THAP12: variants seen among roughly 807,000 people sequenced by gnomAD.
THAP12 encodes THAP domain containing 12, also known as 52 kDa repressor of the inhibitor of the protein kinase.
Under a neutral mutation model 63.0 loss-of-function variants are expected in THAP12, and 20 were observed. The ratio of observed to expected loss-of-function variants is 0.32; its 90% CI spans 0.22 to 0.46. The LOEUF (loss-of-function observed/expected upper bound fraction) is 0.46, where lower values mean the gene tolerates loss of function less well. Among genes scored for constraint, THAP12 ranks in the 20% least tolerant of loss-of-function variants. The pLI is 1.00. For synonymous variants in THAP12, 264 were observed against 328.4 expected (o/e 0.80, Z 2.12); for missense variants, 568 against 908.2 (o/e 0.63, Z 4.81).
intron 1 of THAP12, among the ~76,000 whole-genome samples, chr11:76,377,399 C>T (rs1339036831): frequency 6.6e-6 from 1 of 152,192 alleles, no homozygotes; most frequent in Non-Finnish European, 1.5e-5. Flanking sequence ...TAATCAGTTG[C>T]TCCCCACTCT....
intron 3 of THAP12, chr11:76,356,800 T>C (rs1946564186): frequency 6.6e-6 from 1 of 152,120 alleles, no homozygotes. Context: ...CCCAGCACTT[T>C]GGGAAGCTGA....
Position 76,352,593 on chromosome 11 carries a change from T to C in THAP12, c.557A>G (p.His186Arg), listed in dbSNP as rs748429463. ...ACCTTCTGGGATTTCATCAGCCTCATGTCCATCCAGAGGTATGTTTTGCTT... is the reference window on the plus strand; with the variant it reads ...ACCTTCTGGGATTTCATCAGCCTCACGTCCATCCAGAGGTATGTTTTGCTT... ...MGKQNIPLDG[H>R]EADEIPEGLF... The change falls in exon 5 of 5, where the codon CAT (histidine) becomes CGT (arginine). Residue 186 changes from histidine (H) to arginine (R), a missense_variant. Physicochemically the swap from His to Arg is conservative, Grantham distance 29. Coordinates refer to ENST00000260045, the MANE Select transcript of THAP12 (RefSeq NM_004705.4). The C allele has an allele frequency of 6.2e-7, 1 of 1,612,004 alleles. No homozygotes were observed. The highest frequency in any genetic ancestry group is 1.3e-5 in the African/African-American group (1 of 74,998).
chr11:76,359,468 G>A (rs2134503379), intron 3 of THAP12: 2 of 152,240 alleles, frequency 1.3e-5, no homozygotes, highest in South Asian at 4.1e-4. Context: ...TTGTAAAGAT[G>A]TCAATTCAAA....
At chr11:76,365,796 A>ACT in intron 2 of THAP12, 56 bp downstream of exon 2, 1 of 1,567,466 alleles carries the variant, frequency 6.4e-7, no homozygotes, top group African/African-American at 1.4e-5. Context: ...AACCAGACAC[A>ACT]GTGAGAGAGA....
rs71036086 is a variant in THAP12, at chr11:76,371,810, C to CTTT, written c.90-5841_90-5839dup. ...AGATTTTATTTCATTTTTAACTTTTCTTTTTTTTTTTTTTTTTTTTTGGTG... is the reference window on the plus strand; with the variant it reads ...AGATTTTATTTCATTTTTAACTTTTCTTTTTTTTTTTTTTTTTTTTTTTTGGTG... On this transcript the variant is annotated intron_variant, in intron 1 of 4. Coordinates refer to ENST00000260045, the MANE Select transcript of THAP12 (RefSeq NM_004705.4). Among the ~76,000 whole-genome samples the CTTT allele has an allele frequency of 5.8e-3, 383 of 65,710 alleles. 4 individuals carry two copies. The highest frequency in any genetic ancestry group is 0.022 in the African/African-American group (362 of 16,476). The allele number at this position is 65,710 out of a possible 152,430, so 43.1% of individuals were successfully genotyped here. A position where few individuals can be genotyped will look rare whatever the true frequency, so the allele number is the denominator to read the frequency against.
intron 1 of THAP12, among the ~76,000 whole-genome samples, chr11:76,377,824 T>C (rs1033984144): frequency 6.6e-6 from 1 of 152,242 alleles, no homozygotes; most frequent in African/African-American, 2.4e-5. Context: ...TGATTTGAAC[T>C]TCTCTAATAA....
intron 1 of THAP12, 55 bp downstream of exon 1, chr11:76,380,693 G>T: frequency 7.8e-7 from 1 of 1,277,636 alleles, no homozygotes; most frequent in Non-Finnish European, 1.0e-6. Flanking sequence ...CCGGCGGCTG[G>T]CAGCGCTCAC....
intron 4 of THAP12, among the ~76,000 whole-genome samples, chr11:76,355,232 T>C (rs1172206064): frequency 6.6e-6 from 1 of 152,202 alleles, no homozygotes; most frequent in Non-Finnish European, 1.5e-5. Flanking sequence ...CCCACAGCAT[T>C]TAGTCCTTAA....
Position 76,380,734 on chromosome 11 carries a change from C to T in THAP12, c.89+14G>A. 1 of 1,415,300 alleles carries T rather than the reference C, an allele frequency of 7.1e-7. No homozygotes were observed. The allele number at this position is 1,415,300 out of a possible 1,614,324, so 87.7% of individuals were successfully genotyped here. ...AGGTGGGCCCGGGCCGCCCGCTCTG[C>T]GCCCGCCGCTTACCTGGCAGGGTCC... On this transcript the variant is annotated intron_variant, in intron 1 of 4. Transcript: ENST00000260045.
chr11:76,380,781 A>G lies in THAP12; in HGVS notation c.56T>C (p.Leu19Ser). Residue 19 changes from leucine to serine, a missense_variant, in exon 1 of 5, where the codon TTG (leucine) becomes TCG (serine). Physicochemically the swap from Leu to Ser is moderately radical, Grantham distance 145. Coordinates refer to ENST00000260045, the MANE Select transcript of THAP12 (RefSeq NM_004705.4). ...GTCCCGCGGGAACCTGAAGAAGGCC[A>G]AGTCGGACTGCGTGCTCTTCCGCGT... ...NCTRKSTQSD[L>S]AFFRFPRDPA... is the part of the protein sequence containing the mutation. 1 of 1,467,494 alleles carries G rather than the reference A, an allele frequency of 6.8e-7. No homozygotes were observed. The highest frequency in any genetic ancestry group is 9.1e-7 in the Non-Finnish European group (1 of 1,104,346). The allele number at this position is 1,467,494 out of a possible 1,614,324, so 90.9% of individuals were successfully genotyped here. A position where few individuals can be genotyped will look rare whatever the true frequency, so the allele number is the denominator to read the frequency against.
chr11:76,380,028 T>C (rs1430098813), intron 1 of THAP12, among the ~76,000 whole-genome samples: 1 of 152,184 alleles, frequency 6.6e-6, no homozygotes, highest in Non-Finnish European at 1.5e-5. Context: ...TTTAAATGAA[T>C]GAACCAACAA....
intron 1 of THAP12, among the ~76,000 whole-genome samples, chr11:76,377,313 C>A (rs950914114): frequency 1.3e-5 from 2 of 152,186 alleles, no homozygotes; most frequent in African/African-American, 2.4e-5. Flanking sequence ...TTAACACATT[C>A]ATCATGTTCT....
rs1483848344 is a variant in THAP12, at chr11:76,381,100, G to A, written c.-264C>T. Reference sequence around the variant, plus strand: ...GCCGCCGCTGGTGCACCTCCCGCCCGCCCGAGACGCTGCCGCCTCCTTCCC... The same window carrying A: ...GCCGCCGCTGGTGCACCTCCCGCCCACCCGAGACGCTGCCGCCTCCTTCCC... On this transcript the variant is annotated 5_prime_UTR_variant, in exon 1 of 5. Coordinates refer to ENST00000260045, the MANE Select transcript of THAP12 (RefSeq NM_004705.4). 5.4e-6 allele frequency: 1 copy of A among 183,648 alleles called. No individual in the cohort carries two copies. The allele number at this position is 183,648 out of a possible 1,614,324, so 11.4% of individuals were successfully genotyped here.
At chr11:76,368,954 G>A (rs1317741961) in intron 1 of THAP12, among the ~76,000 whole-genome samples, 1 of 152,212 alleles carries the variant, frequency 6.6e-6, no homozygotes, top group Non-Finnish European at 1.5e-5. Flanking sequence ...AGCCATTTAA[G>A]AGTGAAATGG....
At chr11:76,369,187 A>G (rs1224370199) in intron 1 of THAP12, among the ~76,000 whole-genome samples, 1 of 152,268 alleles carries the variant, frequency 6.6e-6, no homozygotes, top group Non-Finnish European at 1.5e-5. Flanking sequence ...TTAAAGCCAA[A>G]ACAAATTACT....
In THAP12 at chr11:76,352,754, G is replaced by A. The variant is rs759549015; in HGVS notation, c.396C>T (p.Thr132=). 7 of 1,539,796 alleles carry A rather than the reference G, an allele frequency of 4.5e-6. No individual in the cohort carries two copies. The highest frequency in any genetic ancestry group is 1.7e-4 in the Middle Eastern group (1 of 5,766). The change falls in exon 5 of 5, where the codon ACC becomes ACT. Residue 132 remains threonine, a synonymous_variant. Transcript: ENST00000260045. ...TSEQEQKHKE[T]NNSNAQNPSE... is the part of the protein sequence containing the mutation. ...TGGGGTTCTGAGCATTGCTATTGTT[G>A]GTTTCTTTATGTTTTTGTTCCTGCT...
At chr11:76,373,768 T>C (rs1946690147) in intron 1 of THAP12, among the ~76,000 whole-genome samples, 2 of 152,148 alleles carry the variant, frequency 1.3e-5, no homozygotes, top group South Asian at 4.2e-4. Flanking sequence ...GAGCAGCAAT[T>C]CTCAAACTTC....
intron 1 of THAP12, among the ~76,000 whole-genome samples, chr11:76,372,832 A>G (rs1946683931): frequency 6.6e-6 from 1 of 152,068 alleles, no homozygotes; most frequent in Non-Finnish European, 1.5e-5. Context: ...GACTGCAGTG[A>G]GCAATGATTG....
intron 1 of THAP12, among the ~76,000 whole-genome samples, chr11:76,374,399 AAAC>A (rs1205800277): frequency 6.6e-6 from 1 of 152,144 alleles, no homozygotes; most frequent in African/African-American, 2.4e-5. Flanking sequence ...AAAAAAAAAA[AAAC>A]ACATCAGTAT....
Sources: gnomAD v4.1 joint callset for allele counts (sites outside exome capture counted in the v4.1 genomes callset) on GRCh38, gnomAD v4.1.1 for gene constraint, MANE v1.5 for transcripts, NCBI Gene and HGNC (gene_info 2026-07-23, HGNC 2026-07-21) for gene names.